RUNX1: variants seen among roughly 807,000 people sequenced by gnomAD.
RUNX1 encodes runt-related transcription factor 1.
In RUNX1, 19 loss-of-function variants were observed where a neutral mutation model predicts 42.8. That is an observed-to-expected ratio of 0.44 (90% CI 0.31 to 0.65). The LOEUF (loss-of-function observed/expected upper bound fraction) is 0.65. Ranked by LOEUF, RUNX1 falls within the 30% of genes least tolerant of loss-of-function variation. RUNX1 has a pLI of 0.07. For missense variants in RUNX1, 528 were observed against 672.0 expected, an observed-to-expected ratio of 0.79 and a Z score of 2.37; for synonymous variants, 271 against 289.4, an observed-to-expected ratio of 0.94 and a Z score of 0.64.
intron 6 of RUNX1, among the ~76,000 whole-genome samples, chr21:34,848,987 G>A (rs1353756892): frequency 6.6e-6 from 1 of 151,698 alleles, no homozygotes; most frequent in African/African-American, 2.4e-5. Flanking sequence ...TGACTTTTAA[G>A]CCATGGTGAA....
chr21:34,905,923 T>C (rs1201562267), intron 2 of RUNX1, among the ~76,000 whole-genome samples: 5 of 152,302 alleles, frequency 3.3e-5, no homozygotes, highest in Admixed American at 3.3e-4. Context: ...TTTAAAAATT[T>C]TAAATGTTGA....
chr21:34,973,861 C>T (rs1198531567), intron 2 of RUNX1, among the ~76,000 whole-genome samples: 2 of 152,168 alleles, frequency 1.3e-5, no homozygotes, highest in Admixed American at 1.3e-4. Flanking sequence ...AAATGCATCG[C>T]TGATATGATG....
At chr21:34,996,184 C>T (rs1425998106) in intron 2 of RUNX1, among the ~76,000 whole-genome samples, 1 of 152,132 alleles carries the variant, frequency 6.6e-6, no homozygotes, top group Non-Finnish European at 1.5e-5. Context: ...AAGGAACCAC[C>T]GCCCTGACCT....
rs879460390 is a variant in RUNX1 at position 34,993,666 on chromosome 21, GAGACACACACAC to G, written c.58+55164_58+55175del. Among the ~76,000 whole-genome samples, 381 of 41,216 alleles carry G rather than the reference GAGACACACACAC, an allele frequency of 9.2e-3. 10 individuals are homozygous for G. The highest frequency in any genetic ancestry group is 0.04 in the Middle Eastern group (2 of 50). The allele number at this position is 41,216 out of a possible 152,430, so 27.0% of individuals were successfully genotyped here. ...ACAGGCACACACACACAGACACACA[GAGACACACACAC>G]AGACACACACACAGGCGCACACACA... On this transcript the variant is annotated intron_variant, in intron 2 of 8. Transcript: ENST00000675419.
chr21:34,803,557 A>G (rs188913798), intron 7 of RUNX1, among the ~76,000 whole-genome samples: 1 of 150,906 alleles, frequency 6.6e-6, no homozygotes, highest in Admixed American at 6.6e-5. Context: ...AGAAAAAAAA[A>G]AATAATAATA....
At chr21:34,948,100 T>TGG (rs527758797) in intron 2 of RUNX1, among the ~76,000 whole-genome samples, 1,678 of 148,386 alleles carry the variant, frequency 0.011, 32 homozygotes, top group African/African-American at 0.041. Flanking sequence ...TTTTTTTTTT[T>TGG]GGGGGGGGGT....
At chr21:35,034,360 T>C (rs2059292677) in intron 2 of RUNX1, among the ~76,000 whole-genome samples, 1 of 152,148 alleles carries the variant, frequency 6.6e-6, no homozygotes, top group South Asian at 2.1e-4. Context: ...TGACTGTCAG[T>C]TTTTGTGGAC....
chr21:34,806,827 A>G (rs1387027421), intron 7 of RUNX1, among the ~76,000 whole-genome samples: 1 of 152,176 alleles, frequency 6.6e-6, no homozygotes, highest in East Asian at 1.9e-4. Flanking sequence ...TAACTGGAAA[A>G]TCTCCAAATA....
intron 8 of RUNX1, among the ~76,000 whole-genome samples, chr21:34,793,492 T>G (rs1314575847): frequency 6.6e-6 from 1 of 151,988 alleles, no homozygotes; most frequent in East Asian, 1.9e-4. Flanking sequence ...AAGAATGCAT[T>G]TTACATTTTT....
intron 2 of RUNX1, among the ~76,000 whole-genome samples, chr21:34,979,882 G>A (rs1164043306): frequency 6.6e-6 from 1 of 152,170 alleles, no homozygotes; most frequent in Non-Finnish European, 1.5e-5. Context: ...AGAGTGAGGA[G>A]TGCTGGGTCT....
chr21:34,826,264 G>C (rs1206847840), intron 7 of RUNX1, among the ~76,000 whole-genome samples: 1 of 152,070 alleles, frequency 6.6e-6, no homozygotes, highest in African/African-American at 2.4e-5. Context: ...TGGGTTATTG[G>C]TGAAGTGCCT....
intron 2 of RUNX1, among the ~76,000 whole-genome samples, chr21:34,955,789 A>G (rs1406564916): frequency 6.6e-6 from 1 of 152,160 alleles, no homozygotes; most frequent in Non-Finnish European, 1.5e-5. Context: ...TGACAGCTAT[A>G]TTGCTTATTC....
intron 6 of RUNX1, among the ~76,000 whole-genome samples, chr21:34,835,239 T>C (rs1483047857): frequency 1.3e-5 from 2 of 152,126 alleles, no homozygotes; most frequent in Non-Finnish European, 2.9e-5. Flanking sequence ...GCATTCCTTC[T>C]TCCCTGAAGC....
intron 2 of RUNX1, among the ~76,000 whole-genome samples, chr21:34,918,546 G>T (rs1220324857): frequency 6.6e-6 from 1 of 152,136 alleles, no homozygotes; most frequent in Non-Finnish European, 1.5e-5. Flanking sequence ...TGTTAGGAAG[G>T]AATATCATGG....
intron 6 of RUNX1, among the ~76,000 whole-genome samples, chr21:34,853,680 T>C (rs2057456318): frequency 6.6e-6 from 1 of 152,258 alleles, no homozygotes; most frequent in African/African-American, 2.4e-5. Context: ...ATTGCTATTA[T>C]CGAGTATTTT....
chr21:34,964,951 T>C lies in RUNX1; in HGVS notation c.59-71988A>G, dbSNP rs373208239. On this transcript the variant is annotated intron_variant, in intron 2 of 8. Transcript: ENST00000675419. ...GCTTGCACCTATGTGCTTGTACACA[T>C]GCATGTACTCATTCACACACGCACC... Among the ~76,000 whole-genome samples the C allele has an allele frequency of 9.1e-4, 138 of 152,134 alleles. 2 individuals carry two copies. Among genetic ancestry groups the C allele is most frequent in the African/African-American group, 3.1e-3 (128 of 41,480 alleles).
intron 2 of RUNX1, among the ~76,000 whole-genome samples, chr21:35,003,745 A>G (rs1008258619): frequency 1.9e-4 from 29 of 152,160 alleles, no homozygotes; most frequent in Non-Finnish European, 1.5e-5. Context: ...TTAGGAAGAG[A>G]AGCCCACTGT....
At chr21:34,794,677 G>A (rs965784861) in intron 8 of RUNX1, among the ~76,000 whole-genome samples, 4 of 152,172 alleles carry the variant, frequency 2.6e-5, no homozygotes, top group Non-Finnish European at 4.4e-5. Flanking sequence ...CCTACAGGCC[G>A]CCCTTGGGAA....
At chr21:34,867,730 G>GT (rs1305761850) in intron 5 of RUNX1, among the ~76,000 whole-genome samples, 2 of 152,012 alleles carry the variant, frequency 1.3e-5, no homozygotes, top group African/African-American at 4.8e-5. Flanking sequence ...TGATACCACA[G>GT]TTCCCTAGGA....
Sources: allele counts gnomAD v4.1 joint callset (sites outside exome capture counted in the v4.1 genomes callset), GRCh38; gene constraint gnomAD v4.1.1; transcripts MANE v1.5; gene names NCBI Gene and HGNC (gene_info 2026-07-23, HGNC 2026-07-21).